DTWD2: variants seen among roughly 807,000 people sequenced by gnomAD.
The protein encoded by DTWD2 is DTW motif tRNA-uridine aminocarboxypropyltransferase 2.
A neutral mutation model predicts 31.8 loss-of-function variants in DTWD2; 39 were observed. The ratio of observed to expected loss-of-function variants is 1.22; its 90% CI spans 0.95 to 1.60. The LOEUF (loss-of-function observed/expected upper bound fraction) is 1.60. DTWD2 is among the 40% of genes most tolerant of loss of function. The pLI, the probability that DTWD2 is intolerant of heterozygous loss-of-function variation, is 0.00. For missense variants in DTWD2, 515 were observed against 381.5 expected (o/e 1.35, Z -2.92); for synonymous variants, 180 against 142.8 (o/e 1.26, Z -1.86).
At chr5:118,898,345 G>A (rs1238724249) in intron 4 of DTWD2, among the ~76,000 whole-genome samples, 3 of 152,062 alleles carry the variant, frequency 2.0e-5, no homozygotes, top group Non-Finnish European at 4.4e-5. Flanking sequence ...ATGAATCCCT[G>A]ATCAGCAAAG....
chr5:118,974,097 A>T, intron 1 of DTWD2: 1 of 1,597,448 alleles, frequency 6.3e-7, no homozygotes, highest in Non-Finnish European at 8.5e-7. Flanking sequence ...GTCGATACCA[A>T]GAAGCAGAAG....
intron 4 of DTWD2, among the ~76,000 whole-genome samples, chr5:118,868,616 T>A (rs1182721862): frequency 1.3e-5 from 2 of 151,824 alleles, no homozygotes; most frequent in Admixed American, 6.6e-5. Context: ...GGCAGAAGGA[T>A]CACTTGAATC....
chr5:118,900,148 T>G (rs894158962), intron 4 of DTWD2, among the ~76,000 whole-genome samples: 43 of 152,312 alleles, frequency 2.8e-4, no homozygotes, highest in African/African-American at 9.9e-4. Context: ...ACCAACATTA[T>G]GTTTATGTAA....
At chr5:118,859,145 T>A (rs114759390) in intron 4 of DTWD2, among the ~76,000 whole-genome samples, 12 of 152,050 alleles carry the variant, frequency 7.9e-5, no homozygotes, top group African/African-American at 2.9e-4. Flanking sequence ...CAGCGGAGGA[T>A]TGCATGACTA....
chr5:118,964,193 G>C (rs2149594617), intron 1 of DTWD2, among the ~76,000 whole-genome samples: 1 of 143,454 alleles, frequency 7.0e-6, no homozygotes, highest in Middle Eastern at 3.7e-3. Flanking sequence ...ACTCCAACCT[G>C]AGCAACAGAG....
intron 1 of DTWD2, among the ~76,000 whole-genome samples, chr5:118,951,244 G>T (rs1754458038): frequency 6.6e-6 from 1 of 152,150 alleles, no homozygotes; most frequent in Non-Finnish European, 1.5e-5. Flanking sequence ...AGGATTATAG[G>T]GTGGAGGAGC....
At chr5:118,882,029 G>A (rs1252815900) in intron 4 of DTWD2, among the ~76,000 whole-genome samples, 1 of 152,140 alleles carries the variant, frequency 6.6e-6, no homozygotes, top group Admixed American at 6.5e-5. Context: ...CAAGTTCAAA[G>A]CCTCATCTGA....
chr5:118,897,578 T>G (rs1357602640), intron 4 of DTWD2, among the ~76,000 whole-genome samples: 4 of 152,216 alleles, frequency 2.6e-5, no homozygotes, highest in Non-Finnish European at 5.9e-5. Flanking sequence ...TAAGCTTGTT[T>G]CCAAGGAGAG....
intron 4 of DTWD2, among the ~76,000 whole-genome samples, chr5:118,893,136 G>T (rs11949442): frequency 3.3e-4 from 50 of 152,180 alleles, no homozygotes; most frequent in Non-Finnish European, 1.3e-4. Flanking sequence ...AGCACTTTGG[G>T]AGGCCAAGGC....
chr5:118,966,788 G>C (rs777586887), intron 1 of DTWD2, among the ~76,000 whole-genome samples: 4 of 152,124 alleles, frequency 2.6e-5, no homozygotes, highest in South Asian at 2.1e-4. Flanking sequence ...CCAGCACTTT[G>C]AGAGGCTGAG....
chr5:118,969,442 G>C (rs567667526), intron 1 of DTWD2, among the ~76,000 whole-genome samples: 3 of 152,288 alleles, frequency 2.0e-5, no homozygotes, highest in African/African-American at 4.8e-5. Flanking sequence ...CATCTGTTCA[G>C]TGTGCCCCTG....
chr5:118,867,637 G>A (rs943489636), intron 4 of DTWD2, among the ~76,000 whole-genome samples: 5 of 152,036 alleles, frequency 3.3e-5, no homozygotes, highest in East Asian at 3.8e-4. Context: ...TCAGGTTGTC[G>A]GACTGAGCCC....
intron 1 of DTWD2, among the ~76,000 whole-genome samples, chr5:118,981,904 T>C (rs1214399567): frequency 6.6e-6 from 1 of 152,212 alleles, no homozygotes; most frequent in East Asian, 1.9e-4. Context: ...TGTAAATACT[T>C]ACTACATGCA....
Position 118,840,906 on chromosome 5 carries a change from G to C in DTWD2, c.*11C>G. 6.2e-7 allele frequency: 1 copy of C among 1,610,532 alleles called. No homozygotes were observed. The highest frequency in any genetic ancestry group is 8.5e-7 in the Non-Finnish European group (1 of 1,178,018). ...GAAGACAGTTAAGCTAGCACCAAAA[G>C]AATAACTGTACTAAATTTTAACACT... On this transcript the variant is annotated 3_prime_UTR_variant, in exon 6 of 6. Coordinates refer to ENST00000510708, the MANE Select transcript of DTWD2 (RefSeq NM_173666.4).
At chr5:118,931,496 G>C (rs1201953226) in intron 3 of DTWD2, among the ~76,000 whole-genome samples, 1 of 151,366 alleles carries the variant, frequency 6.6e-6, no homozygotes, top group East Asian at 1.9e-4. Flanking sequence ...GATGAAGAAA[G>C]GCATTACATA....
chr5:118,902,563 C>G (rs1367442806), intron 4 of DTWD2, among the ~76,000 whole-genome samples: 3 of 151,958 alleles, frequency 2.0e-5, no homozygotes, highest in Non-Finnish European at 2.9e-5. Flanking sequence ...AATGGGTTTT[C>G]TTTATACTTA....
At position 118,915,524 on chromosome 5, in the gene DTWD2, A is replaced by G. The variant is rs568276455; in HGVS notation, c.597+13013T>C. On this transcript the variant is annotated intron_variant, in intron 4 of 5. Coordinates refer to ENST00000510708, the MANE Select transcript of DTWD2 (RefSeq NM_173666.4). ...CTAGCAGCTGGGAATACAGGCGCAC[A>G]CCACCACACCTGGCTAATTTTTTGT... Among the ~76,000 whole-genome samples, 686 of 152,054 alleles carry G rather than the reference A, an allele frequency of 4.5e-3. 10 individuals carry two copies. Among genetic ancestry groups the G allele is most frequent in the African/African-American group, 0.016 (644 of 41,470 alleles).
rs1232500190 is a variant in DTWD2, at chr5:118,928,530, A to G, written c.597+7T>C. 1 of 1,480,856 alleles carries G rather than the reference A, an allele frequency of 6.8e-7. No individual in the cohort carries two copies. The highest frequency in any genetic ancestry group is 1.6e-5 in the South Asian group (1 of 62,346). 91.7% of individuals were successfully genotyped at this position (1,480,856 alleles called of 1,614,324 possible). On this transcript the variant is annotated splice_region_variant and intron_variant, in intron 4 of 5. Coordinates refer to ENST00000510708, the MANE Select transcript of DTWD2 (RefSeq NM_173666.4). Reference sequence around the variant, plus strand: ...ATATTTATTCTCTGTTAAAATTACTAGTTTACCTGTTTGGGATGTCGGAAC... The same window carrying G: ...ATATTTATTCTCTGTTAAAATTACTGGTTTACCTGTTTGGGATGTCGGAAC...
chr5:118,840,897 G>C lies in DTWD2; in HGVS notation c.*20C>G, dbSNP rs372475951. The C allele has an allele frequency of 1.4e-5, 23 of 1,607,904 alleles. No individual in the cohort carries two copies. The African/African-American group carries it at 3.1e-4, about 22-fold the overall frequency. Reference sequence around the variant, plus strand: ...TTGTTAGATGAAGACAGTTAAGCTAGCACCAAAAGAATAACTGTACTAAAT... The same window carrying C: ...TTGTTAGATGAAGACAGTTAAGCTACCACCAAAAGAATAACTGTACTAAAT... On this transcript the variant is annotated 3_prime_UTR_variant, in exon 6 of 6. Transcript: ENST00000510708.
Sources: allele counts gnomAD v4.1 joint callset (sites outside exome capture counted in the v4.1 genomes callset), GRCh38; gene constraint gnomAD v4.1.1; transcripts MANE v1.5; gene names NCBI Gene and HGNC (gene_info 2026-07-23, HGNC 2026-07-21).